PRAG1: variants seen among roughly 807,000 people sequenced by gnomAD.
PRAG1 encodes the protein inactive tyrosine-protein kinase PRAG1.
PRAG1 carries 110 observed loss-of-function variants against 95.6 expected under a neutral mutation model. That is an observed-to-expected ratio of 1.15 (90% CI 0.99 to 1.35). The LOEUF is 1.35. Ranked by LOEUF, PRAG1 falls within the 40% of genes most tolerant of loss-of-function variation. The pLI is 0.00. For missense variants in PRAG1, 2,554 were observed against 1,864.7 expected, an observed-to-expected ratio of 1.37 and a Z score of -6.81; for synonymous variants, 1,052 against 819.4, an observed-to-expected ratio of 1.28 and a Z score of -4.85.
At chr8:8,325,621 A>G (rs752060504) in intron 5 of PRAG1, among the ~76,000 whole-genome samples, 2 of 152,218 alleles carry the variant, frequency 1.3e-5, no homozygotes, top group East Asian at 1.9e-4. Flanking sequence ...TGTGAAAAAC[A>G]AAACTGTGGC....
chr8:8,384,109 T>A (rs1800770571), intron 1 of PRAG1, among the ~76,000 whole-genome samples: 1 of 152,138 alleles, frequency 6.6e-6, no homozygotes, highest in Admixed American at 6.5e-5. Flanking sequence ...CAGCTCCTCC[T>A]GACACTGGGC....
At chr8:8,385,605 C>T (rs1045956224) in intron 1 of PRAG1, among the ~76,000 whole-genome samples, 6 of 152,218 alleles carry the variant, frequency 3.9e-5, no homozygotes, top group Non-Finnish European at 8.8e-5. Context: ...GCCCCTAGAC[C>T]ATTGGGCTTT....
In PRAG1 at chr8:8,327,995, G is replaced by T; in HGVS notation, c.2787C>A (p.Ala929=). 6.3e-7 allele frequency: 1 copy of T among 1,593,624 alleles called. No homozygotes were observed. Among genetic ancestry groups the T allele is most frequent in the Non-Finnish European group, 8.6e-7 (1 of 1,168,730 alleles). The part of the protein sequence containing the change: ...SSSQLSVSSQ[A]STGSTQLQLH... ...GCTGAAGCTGGGTGCTCCCGGTGGA[G>T]GCTTGACTGGACACGCTCAGCTGGG... The change falls in exon 5 of 6, where the codon GCC becomes GCA. Residue 929 remains alanine, a synonymous_variant. Coordinates refer to ENST00000615670, the MANE Select transcript of PRAG1 (RefSeq NM_001080826.3).
At chr8:8,361,239 A>G (rs1799836286) in intron 3 of PRAG1, among the ~76,000 whole-genome samples, 1 of 152,208 alleles carries the variant, frequency 6.6e-6, no homozygotes, top group Non-Finnish European at 1.5e-5. Flanking sequence ...GAGGAAAGGG[A>G]AGATTCTGAA....
At chr8:8,324,690 G>A (rs1333409768) in intron 5 of PRAG1, among the ~76,000 whole-genome samples, 1 of 152,160 alleles carries the variant, frequency 6.6e-6, no homozygotes, top group Non-Finnish European at 1.5e-5. Flanking sequence ...GCTGAGCCAG[G>A]ACTCATTTAA....
In PRAG1 at chr8:8,328,097, T is replaced by C. The variant is rs549591581; in HGVS notation, c.2685A>G (p.Ala895=). ...CGCCTCTGTTGCCCGCCAGCCCTGC[T>C]GCCGGAAGCCAGTGGCCACTGCCTT... is the stretch of plus-strand genomic sequence containing the variant. ...AFKGSGHWLP[A]AGLAGNRGGC... is the part of the protein sequence containing the mutation. The change falls in exon 5 of 6, where the codon GCA becomes GCG. Residue 895 remains alanine, a synonymous_variant. Transcript: ENST00000615670. 12 of 1,611,248 alleles carry C rather than the reference T, an allele frequency of 7.4e-6. No individual in the cohort carries two copies. The African/African-American group carries it at 9.3e-5, about 13-fold the overall frequency.
At chr8:8,374,588 T>C in intron 3 of PRAG1, 5 of 897,266 alleles carry the variant, frequency 5.6e-6, no homozygotes, top group African/African-American at 1.8e-5. Context: ...TGAGTTGTTA[T>C]GTCTAATTCT....
At position 8,328,253 on chromosome 8, in the gene PRAG1, T is replaced by G; in HGVS notation, c.2529A>C (p.Ala843=). ...AGTGGCTTAGGTTCAGCTTGGGGCT[T>G]GCTGTTCCGGGCTTGGGGGAGCCTT... ...WTQGSPKPGT[A]SPKLNLSHSE... Residue 843 remains alanine (A), a synonymous_variant, in exon 5 of 6, where the codon GCA becomes GCC. Transcript: ENST00000615670. 2 of 1,614,126 alleles carry G rather than the reference T, an allele frequency of 1.2e-6. No individual in the cohort carries two copies. The highest frequency in any genetic ancestry group is 1.6e-4 in the Middle Eastern group (1 of 6,062).
Position 8,328,393 on chromosome 8 carries a change from G to A in PRAG1, c.2389C>T (p.Pro797Ser). 1 of 1,613,778 alleles carries A rather than the reference G, an allele frequency of 6.2e-7. No individual in the cohort carries two copies. The highest frequency in any genetic ancestry group is 8.5e-7 in the Non-Finnish European group (1 of 1,180,006). Residue 797 changes from proline to serine, a missense_variant, in exon 5 of 6, where the codon CCT (proline) becomes TCT (serine). Coordinates refer to ENST00000615670, the MANE Select transcript of PRAG1 (RefSeq NM_001080826.3). ...GACACGTCCTCAGTGGAGCCTGAAG[G>A]AAACGGAACGGGAGCAAAGAGCTTC... ...GKKLFAPVPF[P>S]SGSTEDVSPS... is the part of the protein sequence containing the mutation.
At chr8:8,331,059 C>T (rs1311671941) in intron 4 of PRAG1, among the ~76,000 whole-genome samples, 1 of 152,156 alleles carries the variant, frequency 6.6e-6, no homozygotes, top group African/African-American at 2.4e-5. Flanking sequence ...ATCATCAACA[C>T]AACAGAAGCT....
Position 8,327,744 on chromosome 8 carries a change from C to T in PRAG1, c.3038G>A (p.Cys1013Tyr). 9 of 1,614,018 alleles carry T rather than the reference C, an allele frequency of 5.6e-6. No homozygotes were observed. Among genetic ancestry groups the T allele is most frequent in the Non-Finnish European group, 6.8e-6 (8 of 1,179,890 alleles). ...SGDAIYYCAT[C>Y]SEDPGSTYAV... is the part of the protein sequence containing the mutation. ...ATAGGTGCTGCCGGGGTCCTCAGAG[C>T]AGGTGGCACAGTAATAAATGGCATC... Residue 1013 changes from cysteine (C) to tyrosine (Y), a missense_variant, in exon 5 of 6, where the codon TGC becomes TAC. Coordinates refer to ENST00000615670, the MANE Select transcript of PRAG1 (RefSeq NM_001080826.3).
intron 3 of PRAG1, among the ~76,000 whole-genome samples, chr8:8,340,561 T>C (rs1011686325): frequency 6.6e-6 from 1 of 152,244 alleles, no homozygotes; most frequent in African/African-American, 2.4e-5. Context: ...CAGATCCATA[T>C]CTCAATATCT....
At chr8:8,357,986 A>G (rs139119131) in intron 3 of PRAG1, among the ~76,000 whole-genome samples, 147 of 152,296 alleles carry the variant, frequency 9.7e-4, no homozygotes, top group African/African-American at 3.5e-3. Flanking sequence ...ATTCAATTCA[A>G]TTCTGACACT....
chr8:8,333,730 T>C (rs1798893872), intron 4 of PRAG1, among the ~76,000 whole-genome samples: 1 of 152,222 alleles, frequency 6.6e-6, no homozygotes, highest in Non-Finnish European at 1.5e-5. Context: ...TGATAGCAGC[T>C]GGGTCAGAAC....
At chr8:8,384,097 C>T (rs1487090139) in intron 1 of PRAG1, among the ~76,000 whole-genome samples, 3 of 152,158 alleles carry the variant, frequency 2.0e-5, no homozygotes, top group Non-Finnish European at 4.4e-5. Flanking sequence ...TGCAAGTTCC[C>T]ACAGCTCCTC....
At chr8:8,332,495 C>A (rs1009796586) in intron 4 of PRAG1, among the ~76,000 whole-genome samples, 4 of 151,900 alleles carry the variant, frequency 2.6e-5, no homozygotes, top group African/African-American at 9.7e-5. Context: ...AAAAGATATG[C>A]CTGGTTCTAT....
At position 8,319,561 on chromosome 8, in the gene PRAG1, A is replaced by G. The variant is rs548793646; in HGVS notation, c.3073-259T>C. On this transcript the variant is annotated intron_variant, in intron 5 of 5. Transcript: ENST00000615670. ...ATCACAAACTTAACCTCAAAGTTCT[A>G]AACTTTTGTGCTTCAAAAGACACCA... Among the ~76,000 whole-genome samples, 177 of 152,332 alleles carry G rather than the reference A, an allele frequency of 1.2e-3. 1 individual carries two copies. Among genetic ancestry groups the G allele is most frequent in the African/African-American group, 4.0e-3 (167 of 41,572 alleles).
At chr8:8,350,977 T>A (rs1007953107) in intron 3 of PRAG1, among the ~76,000 whole-genome samples, 1 of 152,138 alleles carries the variant, frequency 6.6e-6, no homozygotes, top group African/African-American at 2.4e-5. Context: ...GATCAATGGA[T>A]GGATAAACAG....
intron 3 of PRAG1, among the ~76,000 whole-genome samples, chr8:8,369,127 A>T (rs1422288988): frequency 6.6e-6 from 1 of 151,952 alleles, no homozygotes; most frequent in Non-Finnish European, 1.5e-5. Flanking sequence ...TTGCAGAATC[A>T]TGATGGGTCC....
Sources: gnomAD v4.1 joint callset for allele counts (sites outside exome capture counted in the v4.1 genomes callset) on GRCh38, gnomAD v4.1.1 for gene constraint, MANE v1.5 for transcripts, NCBI Gene and HGNC (gene_info 2026-07-23, HGNC 2026-07-21) for gene names.